ADARB1: variants seen among roughly 807,000 people sequenced by gnomAD.
ADARB1 encodes adenosine deaminase RNA specific B1.
Under a neutral mutation model 52.4 loss-of-function variants are expected in ADARB1, and 10 were observed. That is an observed-to-expected ratio of 0.19 (90% CI 0.12 to 0.32). The LOEUF is 0.32. Ranked by LOEUF, ADARB1 falls within the 10% of genes least tolerant of loss-of-function variation. ADARB1 has a pLI of 1.00. For synonymous variants in ADARB1, 349 were observed against 371.1 expected (o/e 0.94, Z 0.68); for missense variants, 643 against 922.3 (o/e 0.70, Z 3.92).
chr21:45,159,172 G>A (rs1325578558), intron 2 of ADARB1, among the ~76,000 whole-genome samples: 1 of 152,162 alleles, frequency 6.6e-6, no homozygotes, highest in Non-Finnish European at 1.5e-5. Flanking sequence ...CCACATGACT[G>A]CAGAGGCCTC....
chr21:45,189,343 A>G (rs8126895), intron 8 of ADARB1, among the ~76,000 whole-genome samples: 104,401 of 152,070 alleles, frequency 0.69, 36,365 homozygotes, highest in African/African-American at 0.81. Flanking sequence ...CTTCAATTAC[A>G]TAGTAAAACT....
chr21:45,180,514 G>A (rs1414546352), intron 5 of ADARB1, 70 bp downstream of exon 5: 7 of 1,286,172 alleles, frequency 5.4e-6, no homozygotes, highest in Non-Finnish European at 5.6e-6. Flanking sequence ...GTTCTCAATC[G>A]ACAAAAACCA....
intron 1 of ADARB1, among the ~76,000 whole-genome samples, chr21:45,122,426 G>A (rs1171975939): frequency 6.6e-6 from 1 of 152,182 alleles, no homozygotes; most frequent in East Asian, 1.9e-4. Context: ...TCATAGCATT[G>A]CTGTGGCACT....
intron 2 of ADARB1, among the ~76,000 whole-genome samples, chr21:45,139,599 C>T (rs2089597480): frequency 6.6e-6 from 1 of 152,182 alleles, no homozygotes; most frequent in African/African-American, 2.4e-5. Context: ...TCCTCTGTCA[C>T]GTGGGGCAGG....
At chr21:45,177,034 T>G in intron 4 of ADARB1, 1 of 187,380 alleles carries the variant, frequency 5.3e-6, no homozygotes, top group Non-Finnish European at 1.1e-5. Flanking sequence ...CTTTGAAACC[T>G]TGCCCCCAGT....
At chr21:45,085,704 C>CCA (rs1017812649) in intron 1 of ADARB1, among the ~76,000 whole-genome samples, 15 of 152,122 alleles carry the variant, frequency 9.9e-5, no homozygotes, top group African/African-American at 3.6e-4. Context: ...ATGTTTTCAC[C>CCA]CACATGCAGG....
chr21:45,166,922 G>A (rs564358299), intron 2 of ADARB1, among the ~76,000 whole-genome samples: 2 of 152,126 alleles, frequency 1.3e-5, no homozygotes, highest in Admixed American at 6.5e-5. Flanking sequence ...TGTTCCATAG[G>A]GGATATTTGA....
chr21:45,166,586 A>T (rs2091263480), intron 2 of ADARB1, among the ~76,000 whole-genome samples: 2 of 152,052 alleles, frequency 1.3e-5, no homozygotes, highest in African/African-American at 4.8e-5. Flanking sequence ...TTAGGCACTG[A>T]GGCTCTTTAT....
At chr21:45,081,825 G>A (rs1305334829) in intron 1 of ADARB1, among the ~76,000 whole-genome samples, 1 of 152,208 alleles carries the variant, frequency 6.6e-6, no homozygotes, top group Non-Finnish European at 1.5e-5. Flanking sequence ...GCCTGCCAGA[G>A]AGCCTGCTTA....
chr21:45,176,494 A>T lies in ADARB1; in HGVS notation c.793A>T (p.Met265Leu). ...SGESHAKSFVMSVVVDGQFFE... is the reference protein window; with the variant it reads ...SGESHAKSFVLSVVVDGQFFE... ...GGAGAGCCATGCCAAGAGCTTCGTC[A>T]TGTCTGTGGTCGTGGATGGTCAGTT... The change falls in exon 4 of 11, where the codon ATG (methionine) becomes TTG (leucine). Residue 265 changes from methionine (M) to leucine (L), a missense_variant. This residue lies in a region of ADARB1 where 380 missense variants were observed against 446.5 expected (regional missense o/e 0.85). Coordinates refer to ENST00000348831, the MANE Select transcript of ADARB1 (RefSeq NM_001112.4). This position sits in a 1 kb window ranked among gnomAD's most constrained non-coding sequence, Gnocchi z 5.8. The T allele has an allele frequency of 6.2e-7, 1 of 1,614,036 alleles. No homozygotes were observed. The highest frequency in any genetic ancestry group is 8.5e-7 in the Non-Finnish European group (1 of 1,180,010).
chr21:45,094,310 A>C (rs559196388), intron 1 of ADARB1, among the ~76,000 whole-genome samples: 1 of 152,200 alleles, frequency 6.6e-6, no homozygotes, highest in African/African-American at 2.4e-5. Context: ...GTCTTTATCA[A>C]GCAGTAGTGT....
chr21:45,079,934 C>G (rs7275205), intron 1 of ADARB1, among the ~76,000 whole-genome samples: 18,816 of 152,068 alleles, frequency 0.12, 1,297 homozygotes, highest in Middle Eastern at 0.21. Flanking sequence ...TTTTGGCAAG[C>G]GGTCCACATT....
chr21:45,184,909 T>C lies in ADARB1; in HGVS notation c.1397-14T>C. 6.3e-7 allele frequency: 1 copy of C among 1,597,004 alleles called. No individual in the cohort carries two copies. Among genetic ancestry groups the C allele is most frequent in the Non-Finnish European group, 8.6e-7 (1 of 1,166,934 alleles). On this transcript the variant is annotated splice_polypyrimidine_tract_variant and intron_variant, in intron 7 of 10. Transcript: ENST00000348831. ...TTTACTACCTGTGGGGTTTTAACTC[T>C]TTTTCTCTCTTAGAACCAGCAGATA...
In ADARB1 at chr21:45,075,954, T is replaced by A. The variant is rs533116792; in HGVS notation, c.-220+1161T>A. Among the ~76,000 whole-genome samples the A allele has an allele frequency of 9.2e-5, 14 of 152,392 alleles. No homozygotes were observed. The South Asian group carries it at 1.9e-3, about 20-fold the overall frequency. ...TAAGATGATAGAACCGTAGTTTTTT[T>A]AATTGAGAATACAAATATGTATTTA... On this transcript the variant is annotated intron_variant, in intron 1 of 10. Transcript: ENST00000348831.
chr21:45,147,681 G>A (rs2090073529), intron 2 of ADARB1, among the ~76,000 whole-genome samples: 1 of 152,220 alleles, frequency 6.6e-6, no homozygotes, highest in Non-Finnish European at 1.5e-5. Flanking sequence ...CCTGCAGCCG[G>A]GCTGGCCCCA....
intron 1 of ADARB1, among the ~76,000 whole-genome samples, chr21:45,109,373 C>G (rs543510780): frequency 6.6e-6 from 1 of 152,234 alleles, no homozygotes; most frequent in Non-Finnish European, 1.5e-5. Flanking sequence ...GTGGCACCAC[C>G]GAGTTGTCAT....
chr21:45,191,320 C>G (rs2092275105), intron 8 of ADARB1, among the ~76,000 whole-genome samples: 1 of 152,118 alleles, frequency 6.6e-6, no homozygotes, highest in South Asian at 2.1e-4. Context: ...TGTCCAGGAC[C>G]TTGGATGATA....
At chr21:45,105,072 C>T (rs949780500) in intron 1 of ADARB1, among the ~76,000 whole-genome samples, 1 of 137,250 alleles carries the variant, frequency 7.3e-6, no homozygotes, top group Non-Finnish European at 1.6e-5. Context: ...TGCATCGTTG[C>T]TGCTTCGTTG....
At position 45,216,743 on chromosome 21, in the gene ADARB1, T is replaced by G. The variant is rs2092870193; in HGVS notation, c.1748-4093T>G. 2.6e-5 allele frequency among the ~76,000 whole-genome samples: 4 copies of G among 152,174 alleles called. No individual in the cohort carries two copies. The South Asian group carries it at 8.3e-4, about 32-fold the overall frequency. On this transcript the variant is annotated intron_variant, in intron 9 of 10. Coordinates refer to ENST00000348831, the MANE Select transcript of ADARB1 (RefSeq NM_001112.4). The stretch of plus-strand genomic sequence containing the variant: ...AAGTTGTTTGATTATACTATTTATT[T>G]TCTTTTATATTCTTACCGATCTTCT...
Sources: gnomAD v4.1 joint callset for allele counts (sites outside exome capture counted in the v4.1 genomes callset) on GRCh38, gnomAD v4.1.1 for gene constraint, gnomAD v4.1.1 regional missense constraint, Gnocchi (gnomAD v3.1) non-coding constraint, MANE v1.5 for transcripts, NCBI Gene and HGNC (gene_info 2026-07-23, HGNC 2026-07-21) for gene names.